Variants in CALN1 observed in about 807,000 individuals in gnomAD.
CALN1 encodes the protein calneuron 1, also known as calcium-binding protein 8.
A neutral mutation model predicts 30.6 loss-of-function variants in CALN1; 17 were observed. The observed-to-expected ratio is 0.56, with a 90% CI of 0.38 to 0.83. CALN1 has a LOEUF of 0.83. Ranked by LOEUF, CALN1 falls within the 40% of genes least tolerant of loss-of-function variation. The pLI is 0.00. For missense variants in CALN1, 291 were observed against 354.9 expected, an observed-to-expected ratio of 0.82 and a Z score of 1.45; for synonymous variants, 156 against 131.4, an observed-to-expected ratio of 1.19 and a Z score of -1.28.
chr7:72,330,451 G>C (rs1018003490), intron 2 of CALN1, among the ~76,000 whole-genome samples: 15 of 134,170 alleles, frequency 1.1e-4, no homozygotes, highest in African/African-American at 4.2e-4. Context: ...CTGGGCAACA[G>C]AGCAAGACTG....
chr7:72,192,429 T>C (rs1452470390), intron 3 of CALN1, among the ~76,000 whole-genome samples: 1 of 152,162 alleles, frequency 6.6e-6, no homozygotes, highest in Non-Finnish European at 1.5e-5. Context: ...CGGGCATTGT[T>C]CTGTCAATCT....
Position 71,790,367 on chromosome 7 carries a change from G to GA in CALN1, c.659-2466dup, listed in dbSNP as rs370774626. Among the ~76,000 whole-genome samples, 83 of 98,296 alleles carry GA rather than the reference G, an allele frequency of 8.4e-4. 2 individuals are homozygous for GA. The East Asian group carries it at 0.021, about 24-fold the overall frequency. The allele number at this position is 98,296 out of a possible 152,430, so 64.5% of individuals were successfully genotyped here. ...GAAAGAAAAGAAAGAAAGAAAGAAA[G>GA]AAAAGAAAGAAAGAAAGAAAGAAAG... On this transcript the variant is annotated intron_variant, in intron 6 of 6. Coordinates refer to ENST00000395275, the MANE Select transcript of CALN1 (RefSeq NM_031468.4).
intron 6 of CALN1, among the ~76,000 whole-genome samples, chr7:71,791,573 A>G (rs1414571610): frequency 6.6e-6 from 1 of 152,128 alleles, no homozygotes; most frequent in Non-Finnish European, 1.5e-5. Context: ...AGGAGGAGGG[A>G]GACGAGCAGA....
chr7:72,489,796 G>C, the CALN1 span, among the ~76,000 whole-genome samples: 1 of 152,150 alleles, frequency 6.6e-6, no homozygotes, highest in African/African-American at 2.4e-5. Flanking sequence ...TTGTTGCACC[G>C]TCTTCCTCAT....
intron 5 of CALN1, among the ~76,000 whole-genome samples, chr7:71,882,892 G>T (rs1458811899): frequency 2.0e-5 from 3 of 147,396 alleles, no homozygotes; most frequent in Non-Finnish European, 4.5e-5. Flanking sequence ...GTGTGTGTGT[G>T]TTTGTAAAGA....
chr7:71,940,586 GTTCTTC>G (rs1248647927), intron 5 of CALN1, among the ~76,000 whole-genome samples: 2 of 152,028 alleles, frequency 1.3e-5, no homozygotes, highest in Non-Finnish European at 2.9e-5. Flanking sequence ...AGTTTTTATA[GTTCTTC>G]TTCTGTTTTT....
the CALN1 span, among the ~76,000 whole-genome samples, chr7:72,452,445 G>A: frequency 6.6e-6 from 1 of 152,072 alleles, no homozygotes; most frequent in Non-Finnish European, 1.5e-5. Context: ...TAGTTAACAA[G>A]AGATTTGATT....
intron 5 of CALN1, among the ~76,000 whole-genome samples, chr7:71,844,785 A>G (rs183148953): frequency 5.5e-4 from 84 of 152,370 alleles, no homozygotes; most frequent in African/African-American, 1.9e-3. Context: ...TCTTCTACCA[A>G]ATTCTGCCTT....
At chr7:71,801,384 G>GTATA (rs1341131562) in intron 6 of CALN1, among the ~76,000 whole-genome samples, 37 of 80,566 alleles carry the variant, frequency 4.6e-4, no homozygotes, top group African/African-American at 5.5e-5. Flanking sequence ...GGTTATGTAT[G>GTATA]TATGTATGTA....
chr7:72,247,482 G>A (rs1347424585), intron 3 of CALN1, among the ~76,000 whole-genome samples: 1 of 149,416 alleles, frequency 6.7e-6, no homozygotes, highest in African/African-American at 2.5e-5. Context: ...TCCTGACCTT[G>A]TGGACCTTGT....
intron 3 of CALN1, among the ~76,000 whole-genome samples, chr7:72,149,860 TC>T (rs2129544076): frequency 6.6e-6 from 1 of 151,856 alleles, no homozygotes; most frequent in South Asian, 2.1e-4. Context: ...ATGCCTGTAA[TC>T]CCAGCACTTT....
chr7:72,209,541 C>T (rs1050332427), intron 3 of CALN1, among the ~76,000 whole-genome samples: 65 of 95,360 alleles, frequency 6.8e-4, no homozygotes, highest in Non-Finnish European at 1.4e-3. Context: ...CCTCTCTCCG[C>T]CCTCCGTTCC....
intron 2 of CALN1, among the ~76,000 whole-genome samples, chr7:72,302,031 G>C (rs1562860262): frequency 6.6e-6 from 1 of 151,870 alleles, no homozygotes; most frequent in Non-Finnish European, 1.5e-5. Flanking sequence ...GGAGAGCTGA[G>C]AGGCTGCTAA....
intron 2 of CALN1, among the ~76,000 whole-genome samples, chr7:72,356,086 T>G (rs1357531958): frequency 6.6e-6 from 1 of 152,210 alleles, no homozygotes; most frequent in Non-Finnish European, 1.5e-5. Context: ...AATATTACAC[T>G]GTATCCCATA....
rs569013214 is a variant in CALN1 at position 72,259,710 on chromosome 7, C to T, written c.244+18976G>A. Reference sequence around the variant, plus strand: ...TTATTGCAAACATCAAATAGAATAACATAAACACAGCAAGGGTCTGTATTT... The same window carrying T: ...TTATTGCAAACATCAAATAGAATAATATAAACACAGCAAGGGTCTGTATTT... On this transcript the variant is annotated intron_variant, in intron 3 of 6. Coordinates refer to ENST00000395275, the MANE Select transcript of CALN1 (RefSeq NM_031468.4). Among the ~76,000 whole-genome samples, 11 of 152,254 alleles carry T rather than the reference C, an allele frequency of 7.2e-5. No homozygotes were observed. In the South Asian group the frequency reaches 1.2e-3, roughly 17 times the overall value.
intron 4 of CALN1, among the ~76,000 whole-genome samples, chr7:72,052,459 G>A (rs1802895733): frequency 7.5e-6 from 1 of 133,970 alleles, no homozygotes; most frequent in African/African-American, 2.6e-5. Context: ...TTCAGGCTTG[G>A]GGGTGATGGT....
intron 4 of CALN1, among the ~76,000 whole-genome samples, chr7:72,043,184 C>T (rs968363147): frequency 1.3e-5 from 2 of 152,090 alleles, no homozygotes; most frequent in Non-Finnish European, 2.9e-5. Context: ...AGCACAGTCT[C>T]GTCATTCTCT....
chr7:71,891,074 C>T (rs566411155), intron 5 of CALN1, among the ~76,000 whole-genome samples: 3 of 152,244 alleles, frequency 2.0e-5, no homozygotes, highest in South Asian at 2.1e-4. Context: ...ACCTAAATGT[C>T]TACCCTTTAA....
At chr7:72,293,897 G>C (rs892547851) in intron 2 of CALN1, among the ~76,000 whole-genome samples, 1 of 152,050 alleles carries the variant, frequency 6.6e-6, no homozygotes, top group African/African-American at 2.4e-5. Flanking sequence ...AGGAGTTTGA[G>C]ACCAGCCTGG....
Sources: gnomAD v4.1 joint callset for allele counts (sites outside exome capture counted in the v4.1 genomes callset) on GRCh38, gnomAD v4.1.1 for gene constraint, MANE v1.5 for transcripts, NCBI Gene and HGNC (gene_info 2026-07-23, HGNC 2026-07-21) for gene names.